The following CIMAP1D variants were observed in gnomAD, a reference collection of about 807,000 sequenced individuals.
CIMAP1D encodes the protein CIMAP1 family member D, also known as protein CIMAP1D.
chr19:469,455 T>G, the CIMAP1D span, among the ~76,000 whole-genome samples: 1 of 152,096 alleles, frequency 6.6e-6, no homozygotes, highest in Non-Finnish European at 1.5e-5. Context: ...TTTGGGAGGC[T>G]GAGGCGGGTG....
chr19:484,141 T>TTC, the CIMAP1D span, among the ~76,000 whole-genome samples: 10 of 88,812 alleles, frequency 1.1e-4, no homozygotes, highest in African/African-American at 3.3e-4. Context: ...TTCTTTTTCT[T>TTC]TTTTTTTTTT....
chr19:464,084 C>CGGGCT, the CIMAP1D span: 1 of 1,531,652 alleles, frequency 6.5e-7, no homozygotes, highest in South Asian at 1.2e-5. Flanking sequence ...TGTTTGCGTC[C>CGGGCT]GGGCTGTCGT....
the CIMAP1D span, chr19:464,137 G>C: frequency 2.1e-6 from 1 of 482,590 alleles, no homozygotes; most frequent in Non-Finnish European, 3.7e-6. Flanking sequence ...TGCGGGGGGC[G>C]GGCGGGGGGG....
the CIMAP1D span, among the ~76,000 whole-genome samples, chr19:468,238 C>T: frequency 6.6e-6 from 1 of 152,102 alleles, no homozygotes; most frequent in East Asian, 1.9e-4. Context: ...TGTTGACATG[C>T]ACCTGGGGTC....
the CIMAP1D span, chr19:475,041 C>T: frequency 3.2e-6 from 1 of 316,402 alleles, no homozygotes; most frequent in Non-Finnish European, 5.8e-6. Flanking sequence ...AGTGCGTCTC[C>T]CGGGAGCCGG....
chr19:471,969 A>G, the CIMAP1D span, among the ~76,000 whole-genome samples: 3 of 152,006 alleles, frequency 2.0e-5, no homozygotes, highest in Non-Finnish European at 4.4e-5. Flanking sequence ...GATGGTCCCA[A>G]TCTCCTGACC....
chr19:484,591 C>A, the CIMAP1D span, among the ~76,000 whole-genome samples: 10 of 152,194 alleles, frequency 6.6e-5, no homozygotes, highest in Non-Finnish European at 1.3e-4. Flanking sequence ...TTAGCAAAGG[C>A]CTGGAGGAAG....
the CIMAP1D span, among the ~76,000 whole-genome samples, chr19:468,950 G>A: frequency 2.8e-4 from 39 of 139,698 alleles, no homozygotes; most frequent in African/African-American, 1.0e-3. Flanking sequence ...TCCCCGAAAC[G>A]TCATCCAAAC....
At chr19:483,687 C>A in the CIMAP1D span, among the ~76,000 whole-genome samples, 2 of 152,222 alleles carry the variant, frequency 1.3e-5, no homozygotes, top group Non-Finnish European at 2.9e-5. Flanking sequence ...CTGGGATGTC[C>A]ACAGGGCCTG....
chr19:480,276 G>C, the CIMAP1D span, among the ~76,000 whole-genome samples: 1 of 152,260 alleles, frequency 6.6e-6, no homozygotes, highest in African/African-American at 2.4e-5. Flanking sequence ...GATGCGGCGG[G>C]TCCTGCACGG....
chr19:484,442 CTT>C, the CIMAP1D span, among the ~76,000 whole-genome samples: 1 of 152,118 alleles, frequency 6.6e-6, no homozygotes, highest in Non-Finnish European at 1.5e-5. Context: ...CGCCTGGCCT[CTT>C]GTTTTATTTT....
chr19:471,444 G>A, the CIMAP1D span, among the ~76,000 whole-genome samples: 7 of 148,986 alleles, frequency 4.7e-5, no homozygotes, highest in South Asian at 2.1e-4. Flanking sequence ...CACTGCGCCC[G>A]GCCCTAAATT....
the CIMAP1D span, among the ~76,000 whole-genome samples, chr19:477,853 C>T: frequency 4.6e-5 from 7 of 152,152 alleles, no homozygotes; most frequent in African/African-American, 1.7e-4. Flanking sequence ...CTCGTCTCCA[C>T]CTCCCCCTGT....
the CIMAP1D span, chr19:474,573 G>C: frequency 6.9e-7 from 1 of 1,444,636 alleles, no homozygotes; most frequent in Non-Finnish European, 9.2e-7. Flanking sequence ...GAAGTATGGG[G>C]AGTGGAGCAG....
At chr19:483,019 A>C in the CIMAP1D span, among the ~76,000 whole-genome samples, 1 of 152,152 alleles carries the variant, frequency 6.6e-6, no homozygotes, top group Admixed American at 6.5e-5. Context: ...TCCTCCTCTG[A>C]AAAACGGGCA....
At chr19:467,616 G>A in the CIMAP1D span, 6 of 1,392,684 alleles carry the variant, frequency 4.3e-6, no homozygotes, top group Admixed American at 1.0e-4. Flanking sequence ...TGGAAAGCAG[G>A]TCCTTGTGCG....
At chr19:475,143 G>A in the CIMAP1D span, among the ~76,000 whole-genome samples, 67 of 152,174 alleles carry the variant, frequency 4.4e-4, no homozygotes, top group Non-Finnish European at 8.5e-4. Flanking sequence ...GCCTGGCGGG[G>A]TCGTGGGTGG....
the CIMAP1D span, among the ~76,000 whole-genome samples, chr19:487,394 GTC>G: frequency 0.34 from 51,096 of 152,002 alleles, 9,184 homozygotes; most frequent in Non-Finnish European, 0.4. Context: ...CTGGCTCATG[GTC>G]TCTCTTCCCT....
At chr19:485,389 T>A in the CIMAP1D span, among the ~76,000 whole-genome samples, 1 of 152,122 alleles carries the variant, frequency 6.6e-6, no homozygotes, top group Non-Finnish European at 1.5e-5. Flanking sequence ...GCGCAGTGAG[T>A]GCCTGCTGAG....
Sources: allele counts gnomAD v4.1 joint callset (sites outside exome capture counted in the v4.1 genomes callset), GRCh38; gene constraint gnomAD v4.1.1; transcripts MANE v1.5; gene names NCBI Gene and HGNC (gene_info 2026-07-23, HGNC 2026-07-21).